The following EVC variants were observed in gnomAD, a reference collection of about 807,000 sequenced individuals.
EVC encodes the protein EvC ciliary complex subunit 1.
Under a neutral mutation model 118.9 loss-of-function variants are expected in EVC, and 116 were observed. The ratio of observed to expected loss-of-function variants is 0.98; its 90% CI spans 0.84 to 1.14. The LOEUF (loss-of-function observed/expected upper bound fraction) is 1.14, where lower values mean the gene tolerates loss of function less well. EVC is among the 50% of genes most tolerant of loss of function. EVC has a pLI of 0.00. For missense variants in EVC, 1,401 were observed against 1,246.4 expected (o/e 1.12, Z -1.87); for synonymous variants, 619 against 534.7 (o/e 1.16, Z -2.18).
chr4:5,748,090 T>C, intron 7 of EVC, 58 bp from the exon 8 acceptor site: 1 of 1,601,316 alleles, frequency 6.2e-7, no homozygotes, highest in Non-Finnish European at 8.6e-7. Context: ...CACGCACCGT[T>C]TGGCTTTCTT....
intron 5 of EVC, among the ~76,000 whole-genome samples, chr4:5,736,827 C>T (rs1727768749): frequency 6.6e-6 from 1 of 152,142 alleles, no homozygotes; most frequent in African/African-American, 2.4e-5. Flanking sequence ...CTCCCTATTT[C>T]TTGAGACACA....
chr4:5,722,387 T>C (rs923300216), intron 2 of EVC, among the ~76,000 whole-genome samples: 3 of 152,194 alleles, frequency 2.0e-5, no homozygotes, highest in Non-Finnish European at 4.4e-5. Context: ...GTGAAAGATC[T>C]CCTTGTTTCA....
intron 17 of EVC, among the ~76,000 whole-genome samples, chr4:5,807,602 G>C (rs573317045): frequency 6.6e-6 from 1 of 152,330 alleles, no homozygotes; most frequent in East Asian, 1.9e-4. Context: ...GGTGGGCCCT[G>C]GGGCTCAGGT....
chr4:5,742,824 C>T lies in EVC; in HGVS notation c.801+1010C>T, dbSNP rs1302569709. On this transcript the variant is annotated intron_variant, in intron 6 of 20. Transcript: ENST00000264956. The surrounding 1 kb of genome is among the most constrained non-coding windows in gnomAD (Gnocchi z 5.2). Reference sequence around the variant, plus strand: ...GAATAGGGTTTAGCCTGGGAGGGTACTTGGCTTCACCTAGGAAGGAATTCA... The same window carrying T: ...GAATAGGGTTTAGCCTGGGAGGGTATTTGGCTTCACCTAGGAAGGAATTCA... Among the ~76,000 whole-genome samples, 1 of 152,186 alleles carries T rather than the reference C, an allele frequency of 6.6e-6. No individual in the cohort carries two copies. The highest frequency in any genetic ancestry group is 1.9e-4 in the East Asian group (1 of 5,196).
At chr4:5,730,058 C>T (rs1245962470) in intron 3 of EVC, among the ~76,000 whole-genome samples, 2 of 152,146 alleles carry the variant, frequency 1.3e-5, no homozygotes, top group South Asian at 2.1e-4. Flanking sequence ...TTCAGGATGA[C>T]GAGCTCTGGA....
chr4:5,745,796 C>T (rs1729280335), intron 7 of EVC, among the ~76,000 whole-genome samples: 1 of 152,182 alleles, frequency 6.6e-6, no homozygotes, highest in African/African-American at 2.4e-5. Flanking sequence ...ATGTCCTTGG[C>T]ACTTGCTCTT....
chr4:5,828,355 T>C, the EVC span: 4 of 1,438,758 alleles, frequency 2.8e-6, no homozygotes, highest in Admixed American at 2.7e-5. Context: ...TCTCAACCCA[T>C]TTAACAGATA....
the EVC span, chr4:5,825,602 G>T: frequency 6.2e-7 from 1 of 1,602,928 alleles, no homozygotes; most frequent in African/African-American, 1.3e-5. The surrounding 1 kb of genome is among the most constrained non-coding windows in gnomAD (Gnocchi z 4.4). Context: ...GGTGTAGCTG[G>T]TACCTCGTAC....
At position 5,753,796 on chromosome 4, in the gene EVC, C is replaced by A. The variant is rs1730760070; in HGVS notation, c.1327C>A (p.Arg443=). The part of the protein sequence containing the change: ...AERFSREFVQ[R]GKDLVTASLA... ...TTTTTCAATCCCAGAGTTTGTCCAG[C>A]GAGGCAAAGACCTGGTCACGGCGTC... The change falls in exon 10 of 21, where the codon CGA becomes AGA. Residue 443 remains arginine (R), a synonymous_variant. Transcript: ENST00000264956. 1.2e-6 allele frequency: 2 copies of A among 1,614,116 alleles called. No individual in the cohort carries two copies. Among genetic ancestry groups the A allele is most frequent in the Admixed American group, 1.7e-5 (1 of 60,024 alleles).
intron 12 of EVC, among the ~76,000 whole-genome samples, chr4:5,787,827 G>C (rs1392315764): frequency 1.3e-5 from 2 of 152,024 alleles, no homozygotes; most frequent in Non-Finnish European, 1.5e-5. Context: ...TCTCCCTCTG[G>C]CTCTGCACCC....
Position 5,733,337 on chromosome 4 carries a change from A to G in EVC, c.618-14A>G, listed in dbSNP as rs767274362. On this transcript the variant is annotated splice_polypyrimidine_tract_variant and intron_variant, in intron 4 of 20. Coordinates refer to ENST00000264956, the MANE Select transcript of EVC (RefSeq NM_153717.3). ...ACCCTGAAAGTCTTTTCCGCTTCTC[A>G]TTTTATTTTGCAGTGTAGACGTTGA... 2.5e-6 allele frequency: 4 copies of G among 1,611,528 alleles called. No homozygotes were observed. Among genetic ancestry groups the G allele is most frequent in the Non-Finnish European group, 3.4e-6 (4 of 1,177,770 alleles).
the EVC span, chr4:5,825,340 C>T: frequency 1.0e-6 from 1 of 985,238 alleles, no homozygotes; most frequent in Non-Finnish European, 1.2e-6. This position sits in a 1 kb window ranked among gnomAD's most constrained non-coding sequence, Gnocchi z 4.4. Context: ...CCACTCTGCC[C>T]CACCAGTGAG....
chr4:5,794,088 T>C (rs1713305972), intron 13 of EVC, among the ~76,000 whole-genome samples: 1 of 151,814 alleles, frequency 6.6e-6, no homozygotes, highest in East Asian at 1.9e-4. Flanking sequence ...AAAAGATTTC[T>C]TGTGCCCAAT....
chr4:5,781,676 A>C (rs965857508), intron 11 of EVC, among the ~76,000 whole-genome samples: 2 of 152,134 alleles, frequency 1.3e-5, no homozygotes, highest in Admixed American at 6.6e-5. Flanking sequence ...ATCTCCACAA[A>C]AAAATATAAA....
At chr4:5,801,670 TCAAAA>T (rs1560433203) in intron 15 of EVC, 1 of 295,822 alleles carries the variant, frequency 3.4e-6, no homozygotes, top group African/African-American at 3.5e-5. Context: ...AGTCTCCATC[TCAAAA>T]AAAAAAAAAA....
chr4:5,783,727 G>A lies in EVC; in HGVS notation c.1739G>A (p.Trp580Ter). 1 of 1,613,760 alleles carries A rather than the reference G, an allele frequency of 6.2e-7. No individual in the cohort carries two copies. The highest frequency in any genetic ancestry group is 1.1e-5 in the South Asian group (1 of 91,018). The change falls in exon 12 of 21, where the codon TGG becomes TAG. Residue 580 changes from tryptophan to a stop codon, truncating the protein, a stop_gained. Transcript: ENST00000264956. LOFTEE classifies it high-confidence loss of function. ...GKSNRFRRQQ[W>*]KLFQELLEQD... ...TCAAATCGCTTCCGGAGGCAGCAGT[G>A]GAAACTCTTCCAGGAGCTCCTAGAG...
At chr4:5,803,530 A>AGGGT (rs943303693) in intron 16 of EVC, among the ~76,000 whole-genome samples, 47 of 152,304 alleles carry the variant, frequency 3.1e-4, no homozygotes, top group African/African-American at 1.1e-3. Context: ...CTGTGGGACT[A>AGGGT]GGGTTGGAGA....
Position 5,743,972 on chromosome 4 carries a change from G to C in EVC, c.802-1232G>C, listed in dbSNP as rs1465798075. On this transcript the variant is annotated intron_variant, in intron 6 of 20. Coordinates refer to ENST00000264956, the MANE Select transcript of EVC (RefSeq NM_153717.3). This position sits in a 1 kb window ranked among gnomAD's most constrained non-coding sequence, Gnocchi z 4.7. ...TATAATAGAAAGAATAAGAGCCTTG[G>C]AGTCTGCAGACCTCAGATCAAATTC... Among the ~76,000 whole-genome samples, 1 of 152,104 alleles carries C rather than the reference G, an allele frequency of 6.6e-6. No homozygotes were observed. The highest frequency in any genetic ancestry group is 1.5e-5 in the Non-Finnish European group (1 of 68,028).
At position 5,783,595 on chromosome 4, in the gene EVC, A is replaced by G. The variant is rs1735959170; in HGVS notation, c.1607A>G (p.Asp536Gly). 5.6e-6 allele frequency: 9 copies of G among 1,614,022 alleles called. No homozygotes were observed. The highest frequency in any genetic ancestry group is 1.7e-5 in the Admixed American group (1 of 60,008). The stretch of plus-strand genomic sequence containing the variant: ...GTGGACACTTTCCAGAAGTTCGTGG[A>G]TGCCCTGTTCCTTCAGACGCTCCCT... Reference protein sequence around the residue: ...STVDTFQKFVDALFLQTLPGM... With the variant: ...STVDTFQKFVGALFLQTLPGM... Residue 536 changes from aspartate (D) to glycine (G), a missense_variant, in exon 12 of 21, where the codon GAT becomes GGT. By Grantham distance (94) the Asp-to-Gly change is moderately conservative. Coordinates refer to ENST00000264956, the MANE Select transcript of EVC (RefSeq NM_153717.3).
Sources: allele counts gnomAD v4.1 joint callset (sites outside exome capture counted in the v4.1 genomes callset), GRCh38; gene constraint gnomAD v4.1.1; non-coding constraint Gnocchi (gnomAD v3.1); transcripts MANE v1.5; gene names NCBI Gene and HGNC (gene_info 2026-07-23, HGNC 2026-07-21).